Variants in AOAH observed in about 807,000 individuals in gnomAD.
AOAH encodes acyloxyacyl hydrolase (neutrophil).
Under a neutral mutation model 92.2 loss-of-function variants are expected in AOAH, and 64 were observed. That is an observed-to-expected ratio of 0.69 (90% CI 0.57 to 0.86). AOAH has a LOEUF of 0.86. Among genes scored for constraint, AOAH ranks in the 40% least tolerant of loss-of-function variants. AOAH has a pLI of 0.00. For missense variants in AOAH, 656 were observed against 694.6 expected (o/e 0.94, Z 0.62); for synonymous variants, 263 against 254.5 (o/e 1.03, Z -0.32).
At chr7:36,705,252 C>T (rs1342430356) in intron 1 of AOAH, among the ~76,000 whole-genome samples, 2 of 152,136 alleles carry the variant, frequency 1.3e-5, no homozygotes, top group Non-Finnish European at 2.9e-5. Flanking sequence ...CGTCTCAGCC[C>T]AAAAACTCCT....
intron 6 of AOAH, among the ~76,000 whole-genome samples, chr7:36,626,180 G>C (rs1792649700): frequency 6.7e-6 from 1 of 150,018 alleles, no homozygotes; most frequent in Non-Finnish European, 1.5e-5. Flanking sequence ...CAGATCAACA[G>C]AGAGAGAGAG....
chr7:36,598,123 T>A (rs567907514), intron 11 of AOAH: 1 of 152,284 alleles, frequency 6.6e-6, no homozygotes, highest in South Asian at 2.1e-4. Flanking sequence ...CAAGCTCAGT[T>A]CTCTGTGGAT....
At chr7:36,720,480 A>C (rs1016830711) in intron 1 of AOAH, among the ~76,000 whole-genome samples, 3 of 152,032 alleles carry the variant, frequency 2.0e-5, no homozygotes, top group Non-Finnish European at 2.9e-5. Flanking sequence ...CTAAAATCTT[A>C]AAGTTTTAAA....
chr7:36,713,377 T>C (rs561682992), intron 1 of AOAH, among the ~76,000 whole-genome samples: 54 of 152,174 alleles, frequency 3.5e-4, no homozygotes, highest in African/African-American at 1.3e-3. Context: ...ACAATAATAA[T>C]GGGAGACTTT....
chr7:36,668,456 G>T (rs919684274), intron 3 of AOAH, among the ~76,000 whole-genome samples: 4 of 152,174 alleles, frequency 2.6e-5, no homozygotes, highest in African/African-American at 9.7e-5. Flanking sequence ...TTCGGAGGCA[G>T]CTGCTTGCCC....
intron 9 of AOAH, 59 bp downstream of exon 9, chr7:36,620,722 A>C: frequency 6.6e-7 from 1 of 1,521,802 alleles, no homozygotes; most frequent in African/African-American, 1.4e-5. Context: ...ATATGTGATG[A>C]GCTTTAGGGG....
intron 15 of AOAH, among the ~76,000 whole-genome samples, chr7:36,545,412 G>T (rs1320926758): frequency 3.3e-5 from 5 of 152,230 alleles, no homozygotes; most frequent in Non-Finnish European, 2.9e-5. Context: ...TTCCCTGCTG[G>T]CTTTTCTATC....
At chr7:36,518,064 T>C (rs1172263483) in intron 20 of AOAH, among the ~76,000 whole-genome samples, 1 of 152,190 alleles carries the variant, frequency 6.6e-6, no homozygotes, top group African/African-American at 2.4e-5. Context: ...CTCTCTTTGG[T>C]AAACAGTGCC....
chr7:36,670,525 A>G (rs1483565584), intron 3 of AOAH, among the ~76,000 whole-genome samples: 1 of 152,184 alleles, frequency 6.6e-6, no homozygotes, highest in African/African-American at 2.4e-5. Context: ...TTCGGGCTGG[A>G]GTGCAGTGGC....
chr7:36,595,136 T>C (rs2116816155), intron 11 of AOAH, among the ~76,000 whole-genome samples: 1 of 152,348 alleles, frequency 6.6e-6, no homozygotes, highest in Middle Eastern at 3.4e-3. Flanking sequence ...TTACTCCTTT[T>C]ATGAGTGACT....
chr7:36,665,839 G>A (rs1795500959), intron 3 of AOAH, among the ~76,000 whole-genome samples: 2 of 151,974 alleles, frequency 1.3e-5, no homozygotes, highest in Non-Finnish European at 2.9e-5. Flanking sequence ...CTGTTGATAC[G>A]ATGGATTACA....
Position 36,686,715 on chromosome 7 carries a change from C to T in AOAH, c.207G>A (p.Leu69=), listed in dbSNP as rs750190065. The change falls in exon 2 of 21, where the codon CTG becomes CTA. Residue 69 remains leucine (L), a synonymous_variant. Transcript: ENST00000617537. ...NSTVQASMER[L]CSYLPEKLFL... is the part of the protein sequence containing the mutation. ...CATATTTACCAGGCAGGTAGCTGCA[C>T]AGTCTCTCCATCGAGGCCTGGACCG... 2 of 1,547,990 alleles carry T rather than the reference C, an allele frequency of 1.3e-6. No individual in the cohort carries two copies. Among genetic ancestry groups the T allele is most frequent in the Non-Finnish European group, 8.7e-7 (1 of 1,145,578 alleles).
At chr7:36,665,765 T>C (rs1013555614) in intron 3 of AOAH, among the ~76,000 whole-genome samples, 3 of 152,148 alleles carry the variant, frequency 2.0e-5, no homozygotes, top group African/African-American at 7.2e-5. Flanking sequence ...CAAATGAATA[T>C]TGGATTTTGT....
At chr7:36,721,644 G>T (rs1799635298) in intron 1 of AOAH, among the ~76,000 whole-genome samples, 1 of 152,160 alleles carries the variant, frequency 6.6e-6, no homozygotes, top group South Asian at 2.1e-4. Flanking sequence ...CTGGGAAAAT[G>T]GATGCTAAAT....
chr7:36,690,388 C>T (rs1207100972), intron 1 of AOAH, among the ~76,000 whole-genome samples: 1 of 152,160 alleles, frequency 6.6e-6, no homozygotes, highest in Non-Finnish European at 1.5e-5. Flanking sequence ...GCTCATTCAG[C>T]CATCTCCGCC....
intron 1 of AOAH, among the ~76,000 whole-genome samples, chr7:36,714,297 T>C (rs556377488): frequency 1.5e-4 from 23 of 152,284 alleles, no homozygotes; most frequent in African/African-American, 5.3e-4. Flanking sequence ...AATCTCTTAA[T>C]AGACCAATAA....
intron 13 of AOAH, among the ~76,000 whole-genome samples, chr7:36,559,510 CT>C (rs1316200977): frequency 2.6e-5 from 4 of 151,968 alleles, no homozygotes; most frequent in African/African-American, 9.7e-5. Flanking sequence ...GATGTTGTGT[CT>C]TTTTTCATAT....
intron 13 of AOAH, among the ~76,000 whole-genome samples, chr7:36,574,714 G>A (rs929179848): frequency 3.3e-5 from 5 of 152,162 alleles, no homozygotes; most frequent in African/African-American, 9.6e-5. Flanking sequence ...AGTTTCTGTC[G>A]AGTTTTTTAA....
intron 8 of AOAH, 115 bp downstream of exon 8, chr7:36,621,595 T>C: frequency 2.0e-6 from 2 of 1,001,710 alleles, no homozygotes; most frequent in Admixed American, 1.8e-5. Context: ...AATCGGAACA[T>C]GAAAATCTCT....
Sources: gnomAD v4.1 joint callset for allele counts (sites outside exome capture counted in the v4.1 genomes callset) on GRCh38, gnomAD v4.1.1 for gene constraint, MANE v1.5 for transcripts, NCBI Gene and HGNC (gene_info 2026-07-23, HGNC 2026-07-21) for gene names.